MGMT: variants seen among roughly 807,000 people sequenced by gnomAD.
MGMT encodes O-6-methylguanine-DNA methyltransferase.
In MGMT, 14 loss-of-function variants were observed where a neutral mutation model predicts 15.9. The observed-to-expected ratio is 0.88, with a 90% confidence interval of 0.58 to 1.37. MGMT has a LOEUF of 1.37. Ranked by LOEUF, MGMT falls within the 40% of genes most tolerant of loss-of-function variation. The pLI is 0.00. For synonymous variants in MGMT, 130 were observed against 118.2 expected, an observed-to-expected ratio of 1.10 and a Z score of -0.65; for missense variants, 282 against 268.1, an observed-to-expected ratio of 1.05 and a Z score of -0.36.
chr10:129,718,319 G>C (rs1421892966), intron 3 of MGMT, among the ~76,000 whole-genome samples: 1 of 152,204 alleles, frequency 6.6e-6, no homozygotes, highest in Non-Finnish European at 1.5e-5. Context: ...TTGTGTCGGA[G>C]ACCTGTGGAA....
intron 2 of MGMT, among the ~76,000 whole-genome samples, chr10:129,550,573 A>G (rs866482349): frequency 6.6e-5 from 10 of 151,780 alleles, no homozygotes; most frequent in African/African-American, 1.2e-4. Flanking sequence ...CAGCCCCCCA[A>G]GTAGCTGGGA....
chr10:129,651,644 T>A (rs1312728334), intron 2 of MGMT, among the ~76,000 whole-genome samples: 1 of 152,160 alleles, frequency 6.6e-6, no homozygotes, highest in Non-Finnish European at 1.5e-5. Flanking sequence ...AGGGGAAAAG[T>A]GTCGCCTATA....
intron 3 of MGMT, among the ~76,000 whole-genome samples, chr10:129,720,760 G>A (rs1297911596): frequency 1.3e-5 from 2 of 152,174 alleles, no homozygotes; most frequent in African/African-American, 2.4e-5. Context: ...GACAATGAAC[G>A]AATGAATAAG....
In MGMT at chr10:129,556,894, G is replaced by A. The variant is rs1403171061; in HGVS notation, c.125+20517G>A. On this transcript the variant is annotated intron_variant, in intron 2 of 4. Transcript: ENST00000651593. The surrounding 1 kb of genome is among the most constrained non-coding windows in gnomAD (Gnocchi z 4.3). ...TTTCCCTTGAGTTCTGGGGCGGGAC[G>A]TGGAATGTTTGTGAGGCTACCCTTC... is the stretch of plus-strand genomic sequence containing the variant. Among the ~76,000 whole-genome samples, 3 of 152,100 alleles carry A rather than the reference G, an allele frequency of 2.0e-5. No homozygotes were observed. Among genetic ancestry groups the A allele is most frequent in the South Asian group, 2.1e-4 (1 of 4,828 alleles).
chr10:129,579,015 A>G (rs978455967), intron 2 of MGMT, among the ~76,000 whole-genome samples: 9 of 152,226 alleles, frequency 5.9e-5, no homozygotes, highest in Admixed American at 2.6e-4. Flanking sequence ...TACTGTGTAC[A>G]TTAGATACGA....
intron 2 of MGMT, among the ~76,000 whole-genome samples, chr10:129,646,549 C>T (rs1174624409): frequency 2.6e-5 from 4 of 151,076 alleles, no homozygotes; most frequent in African/African-American, 4.9e-5. Context: ...TGGTTAGTGT[C>T]GGGGCACGGT....
chr10:129,635,355 A>G (rs1847253234), intron 2 of MGMT, among the ~76,000 whole-genome samples: 1 of 152,184 alleles, frequency 6.6e-6, no homozygotes. Context: ...TCACAGCTCC[A>G]TCCCCTCAGT....
At chr10:129,634,584 T>A (rs1254917400) in intron 2 of MGMT, among the ~76,000 whole-genome samples, 1 of 152,132 alleles carries the variant, frequency 6.6e-6, no homozygotes, top group Non-Finnish European at 1.5e-5. Flanking sequence ...ATATTCAAGT[T>A]CACTAATTTT....
chr10:129,591,870 A>G (rs973279144), intron 2 of MGMT, among the ~76,000 whole-genome samples: 1 of 152,196 alleles, frequency 6.6e-6, no homozygotes, highest in Non-Finnish European at 1.5e-5. Flanking sequence ...GGCAGAGATC[A>G]CAGTGAGCCG....
intron 2 of MGMT, among the ~76,000 whole-genome samples, chr10:129,577,252 AG>A (rs1179112224): frequency 6.6e-6 from 1 of 152,140 alleles, no homozygotes; most frequent in Non-Finnish European, 1.5e-5. Context: ...AAAAGAACAA[AG>A]CTGGAGGCAT....
intron 1 of MGMT, among the ~76,000 whole-genome samples, chr10:129,477,477 G>A (rs1466541109): frequency 6.6e-6 from 1 of 152,202 alleles, no homozygotes; most frequent in African/African-American, 2.4e-5. Context: ...TGGAGACAGG[G>A]CCTTTAGGAG....
At chr10:129,764,989 G>A (rs545838784) in intron 4 of MGMT, among the ~76,000 whole-genome samples, 59 of 152,200 alleles carry the variant, frequency 3.9e-4, no homozygotes, top group African/African-American at 1.3e-3. Context: ...TCTACGTGTC[G>A]TGCCAGCTGA....
At chr10:129,596,754 G>T (rs569622419) in intron 2 of MGMT, among the ~76,000 whole-genome samples, 1 of 152,216 alleles carries the variant, frequency 6.6e-6, no homozygotes, top group African/African-American at 2.4e-5. Context: ...GGACAGCTAG[G>T]TCGTGCTTGC....
chr10:129,494,119 T>TTA (rs376860594), intron 1 of MGMT, among the ~76,000 whole-genome samples: 1 of 152,332 alleles, frequency 6.6e-6, no homozygotes, highest in African/African-American at 2.4e-5. Flanking sequence ...ACAAAGATGT[T>TTA]TAATATAGTG....
intron 1 of MGMT, among the ~76,000 whole-genome samples, chr10:129,470,277 G>C (rs1295825811): frequency 2.6e-5 from 4 of 152,182 alleles, no homozygotes; most frequent in Non-Finnish European, 5.9e-5. Flanking sequence ...TAGGTAAGTA[G>C]AAGTTGGAGA....
At chr10:129,762,778 G>A (rs920013876) in intron 4 of MGMT, among the ~76,000 whole-genome samples, 6 of 152,090 alleles carry the variant, frequency 3.9e-5, no homozygotes, top group South Asian at 2.1e-4. Flanking sequence ...TGTTCTGCCC[G>A]TCACCCGGAT....
chr10:129,766,696 C>T (rs531233038), intron 4 of MGMT, 92 bp from the exon 5 acceptor site: 4 of 1,199,942 alleles, frequency 3.3e-6, no homozygotes, highest in Admixed American at 2.4e-5. Context: ...TTGGTGGGCA[C>T]AGGACTCCTG....
intron 1 of MGMT, among the ~76,000 whole-genome samples, chr10:129,509,872 C>T (rs1425770569): frequency 6.6e-6 from 1 of 152,190 alleles, no homozygotes; most frequent in African/African-American, 2.4e-5. Context: ...GCTCCAGCAC[C>T]AGAATGAAAA....
chr10:129,680,905 C>T (rs940540326), intron 2 of MGMT, among the ~76,000 whole-genome samples: 21 of 152,196 alleles, frequency 1.4e-4, no homozygotes, highest in Non-Finnish European at 2.5e-4. Context: ...GCTGCCTGTG[C>T]GTGCTTCCTG....
Sources: gnomAD v4.1 joint callset for allele counts (sites outside exome capture counted in the v4.1 genomes callset) on GRCh38, gnomAD v4.1.1 for gene constraint, Gnocchi (gnomAD v3.1) non-coding constraint, MANE v1.5 for transcripts, NCBI Gene and HGNC (gene_info 2026-07-23, HGNC 2026-07-21) for gene names.